CDH20: variants seen among roughly 807,000 people sequenced by gnomAD.
CDH20 encodes cadherin-20.
CDH20 carries 29 observed loss-of-function variants against 74.2 expected under a neutral mutation model. That is an observed-to-expected ratio of 0.39 (90% CI 0.29 to 0.53). The LOEUF is 0.53. Among genes scored for constraint, CDH20 ranks in the 20% least tolerant of loss-of-function variants. CDH20 has a pLI of 0.69. For synonymous variants in CDH20, 469 were observed against 405.4 expected, an observed-to-expected ratio of 1.16 and a Z score of -1.88; for missense variants, 988 against 1,048.3, an observed-to-expected ratio of 0.94 and a Z score of 0.79.
chr18:61,494,911 A>C (rs910904177), intron 2 of CDH20, among the ~76,000 whole-genome samples: 5 of 152,224 alleles, frequency 3.3e-5, no homozygotes, highest in Non-Finnish European at 7.3e-5. Flanking sequence ...GTACTCTGAA[A>C]GATGACAAAA....
At chr18:61,416,055 A>C (rs1483704925) in intron 1 of CDH20, among the ~76,000 whole-genome samples, 1 of 151,270 alleles carries the variant, frequency 6.6e-6, no homozygotes, top group East Asian at 1.9e-4. Context: ...AAAAAAAAAA[A>C]TATTAAGATC....
chr18:61,345,483 C>T (rs1334173015), intron 1 of CDH20, among the ~76,000 whole-genome samples: 4 of 152,084 alleles, frequency 2.6e-5, no homozygotes, highest in South Asian at 2.1e-4. Context: ...GTTCACAACC[C>T]GCCCAGGTAC....
At chr18:61,419,926 G>A (rs890450259) in intron 1 of CDH20, among the ~76,000 whole-genome samples, 24 of 152,168 alleles carry the variant, frequency 1.6e-4, no homozygotes, top group Non-Finnish European at 2.9e-5. Context: ...AAAGAAATGA[G>A]CTTTTCTGCC....
At chr18:61,375,626 T>C (rs990672729) in intron 1 of CDH20, among the ~76,000 whole-genome samples, 2 of 152,168 alleles carry the variant, frequency 1.3e-5, no homozygotes, top group African/African-American at 4.8e-5. Flanking sequence ...TATCTTCCCC[T>C]TCCATCCATC....
chr18:61,348,721 A>G (rs924285600), intron 1 of CDH20, among the ~76,000 whole-genome samples: 2 of 152,230 alleles, frequency 1.3e-5, no homozygotes, highest in African/African-American at 4.8e-5. Flanking sequence ...GCAAAGGTAG[A>G]AAGTGGGGGT....
intron 1 of CDH20, among the ~76,000 whole-genome samples, chr18:61,373,067 A>G (rs992560123): frequency 1.3e-5 from 2 of 151,774 alleles, no homozygotes; most frequent in African/African-American, 4.8e-5. Flanking sequence ...TGGTGAGATT[A>G]TTTCCTTGCT....
rs369563495 is a variant in CDH20 at position 61,549,968 on chromosome 18, C to T, written c.1649-10C>T. Reference sequence around the variant, plus strand: ...CCCTTTTCCAATCCTGGAACCCCTCCTTCTTTCAGATAACACAGCACGGAT... The same window carrying T: ...CCCTTTTCCAATCCTGGAACCCCTCTTTCTTTCAGATAACACAGCACGGAT... On this transcript the variant is annotated splice_polypyrimidine_tract_variant and intron_variant, in intron 10 of 11. Transcript: ENST00000262717. 44 of 1,605,448 alleles carry T rather than the reference C, an allele frequency of 2.7e-5. No homozygotes were observed. In the African/African-American group the frequency reaches 4.9e-4, roughly 18 times the overall value.
intron 1 of CDH20, among the ~76,000 whole-genome samples, chr18:61,416,924 T>A (rs896828503): frequency 1.3e-5 from 2 of 152,192 alleles, no homozygotes; most frequent in African/African-American, 4.8e-5. Context: ...ATATATACCG[T>A]TTATAACTAA....
chr18:61,356,187 C>G (rs946800608), intron 1 of CDH20, among the ~76,000 whole-genome samples: 4 of 152,196 alleles, frequency 2.6e-5, no homozygotes, highest in Non-Finnish European at 5.9e-5. Context: ...ATTGAAAATA[C>G]AGTTCTAAAT....
chr18:61,553,123 CATT>C (rs1913493751), intron 11 of CDH20, among the ~76,000 whole-genome samples: 1 of 152,072 alleles, frequency 6.6e-6, no homozygotes, highest in Non-Finnish European at 1.5e-5. Context: ...ATTTTTAAAT[CATT>C]GTTGTGAGTT....
chr18:61,421,313 C>T (rs1912870522), intron 1 of CDH20, among the ~76,000 whole-genome samples: 1 of 152,066 alleles, frequency 6.6e-6, no homozygotes, highest in Non-Finnish European at 1.5e-5. Context: ...TAATCTAATC[C>T]ATGGGCCATG....
At chr18:61,526,126 T>C (rs1912399355) in intron 6 of CDH20, among the ~76,000 whole-genome samples, 2 of 142,276 alleles carry the variant, frequency 1.4e-5, no homozygotes, top group Admixed American at 1.4e-4. Flanking sequence ...GTTGACTTTT[T>C]TTTTTTTTTT....
intron 1 of CDH20, among the ~76,000 whole-genome samples, chr18:61,393,318 C>T (rs1323554954): frequency 5.9e-5 from 9 of 152,156 alleles, no homozygotes; most frequent in Non-Finnish European, 1.0e-4. Context: ...TCAGAACAGA[C>T]ATTTTGCTTC....
At chr18:61,365,757 T>C (rs1429331523) in intron 1 of CDH20, among the ~76,000 whole-genome samples, 1 of 152,200 alleles carries the variant, frequency 6.6e-6, no homozygotes, top group Non-Finnish European at 1.5e-5. Context: ...GCAAATGTTT[T>C]CTGGAATTCA....
At chr18:61,395,761 G>A (rs771538611) in intron 1 of CDH20, among the ~76,000 whole-genome samples, 21 of 152,116 alleles carry the variant, frequency 1.4e-4, no homozygotes, top group African/African-American at 3.1e-4. Context: ...TTGGCCAGGC[G>A]CGGTGGCTTA....
chr18:61,483,795 T>C lies in CDH20; in HGVS notation c.-152-6607T>C, dbSNP rs138181052. Among the ~76,000 whole-genome samples the C allele has an allele frequency of 3.2e-3, 482 of 152,288 alleles. 3 individuals are homozygous for C. The highest frequency in any genetic ancestry group is 0.01 in the African/African-American group (418 of 41,558). ...ACTTAATTACAATCACCCTGTGAGA[T>C]AGAGTCTATAATTACCTCCAGTTTG... On this transcript the variant is annotated intron_variant, in intron 1 of 11. Transcript: ENST00000262717.
intron 1 of CDH20, among the ~76,000 whole-genome samples, chr18:61,434,668 T>C (rs936564262): frequency 6.6e-6 from 1 of 152,110 alleles, no homozygotes; most frequent in Non-Finnish European, 1.5e-5. Flanking sequence ...GGCTGCTCAC[T>C]GTGCCTGCAC....
intron 1 of CDH20, among the ~76,000 whole-genome samples, chr18:61,340,222 C>G (rs1430223562): frequency 5.4e-5 from 1 of 18,376 alleles, no homozygotes; most frequent in Non-Finnish European, 1.5e-4. Flanking sequence ...AAATCTTCAG[C>G]CTTCTTTTTT....
chr18:61,390,382 T>A (rs1422403620), intron 1 of CDH20, among the ~76,000 whole-genome samples: 2 of 152,156 alleles, frequency 1.3e-5, no homozygotes, highest in Non-Finnish European at 2.9e-5. Flanking sequence ...TTTGAAAAAA[T>A]TTGTAATGGC....
Sources: allele counts gnomAD v4.1 joint callset (sites outside exome capture counted in the v4.1 genomes callset), GRCh38; gene constraint gnomAD v4.1.1; transcripts MANE v1.5; gene names NCBI Gene and HGNC (gene_info 2026-07-23, HGNC 2026-07-21).